The following COQ9 variants were observed in gnomAD, a reference collection of about 807,000 sequenced individuals.
COQ9 encodes the protein ubiquinone biosynthesis protein COQ9, mitochondrial.
COQ9 carries 35 observed loss-of-function variants against 42.4 expected under a neutral mutation model. The ratio of observed to expected loss-of-function variants is 0.83; its 90% confidence interval spans 0.63 to 1.10. The LOEUF (loss-of-function observed/expected upper bound fraction) is 1.10, where lower values mean the gene tolerates loss of function less well. Ranked by LOEUF, COQ9 falls within the 50% of genes least tolerant of loss-of-function variation. COQ9 has a pLI of 0.00. For missense variants in COQ9, 406 were observed against 414.6 expected (o/e 0.98, Z 0.18); for synonymous variants, 155 against 155.1 (o/e 1.00, Z 0.00).
chr16:57,458,202 A>C, intron 5 of COQ9, 44 bp from the exon 6 acceptor site: 12 of 1,414,344 alleles, frequency 8.5e-6, no homozygotes, highest in African/African-American at 1.4e-5. Flanking sequence ...ACTATGCACC[A>C]TTACCTGTGA....
In COQ9 at chr16:57,451,144, C is replaced by T; in HGVS notation, c.178C>T (p.Gln60Ter). 6.2e-7 allele frequency: 1 copy of T among 1,614,184 alleles called. No homozygotes were observed. The highest frequency in any genetic ancestry group is 8.5e-7 in the Non-Finnish European group (1 of 1,180,022). Residue 60 changes from glutamine to a stop codon, truncating the protein, a stop_gained, in exon 2 of 9, where the codon CAG becomes TAG. Transcript: ENST00000262507. LOFTEE classifies it high-confidence loss of function. ...QKQQPPNSFSQQHSETQGAEK... is the reference protein window; with the variant it reads ...QKQQPPNSFS ...GCAGCAGCCTCCCAACTCATTTTCT[C>T]AGCAGCATTCTGAGACACAGGGGGC...
rs151336111 is a variant in COQ9, at chr16:57,457,939, CTG to C, written c.607-306_607-305del. On this transcript the variant is annotated intron_variant, in intron 5 of 8. Coordinates refer to ENST00000262507, the MANE Select transcript of COQ9 (RefSeq NM_020312.4). ...TCTGCTTCTTCCTTTGTGTGACAGA[CTG>C]GGGTATCTTTGCCCATCCTTGCTTA... is the stretch of plus-strand genomic sequence containing the variant. Among the ~76,000 whole-genome samples, 36 of 150,414 alleles carry C rather than the reference CTG, an allele frequency of 2.4e-4. No individual in the cohort carries two copies. The East Asian group carries it at 6.0e-3, about 25-fold the overall frequency.
chr16:57,449,065 G>A (rs2146583921), intron 1 of COQ9, among the ~76,000 whole-genome samples: 1 of 152,298 alleles, frequency 6.6e-6, no homozygotes, highest in South Asian at 2.1e-4. Context: ...GCATGCAGAA[G>A]TCACTGGGTG....
At chr16:57,460,490 G>GAAA in intron 8 of COQ9, 99 bp from the exon 9 acceptor site, 2 of 987,278 alleles carry the variant, frequency 2.0e-6, no homozygotes, top group Non-Finnish European at 2.9e-6. Flanking sequence ...ATGCAAAAAA[G>GAAA]AAAAAAAAAA....
In COQ9 at chr16:57,451,206, C is replaced by G. The variant is rs2301773; in HGVS notation, c.240C>G (p.Pro80=). The stretch of plus-strand genomic sequence containing the variant: ...ATCCAGAGTCTTCTCATTCACCCCC[C>G]AGGTAGGCACCAATCCACCTATTTC... ...KPDPESSHSP[P]RYTDQGGEEE... Residue 80 remains proline, a splice_region_variant and synonymous_variant, in exon 2 of 9, where the codon CCC becomes CCG. Coordinates refer to ENST00000262507, the MANE Select transcript of COQ9 (RefSeq NM_020312.4). 3.9e-4 allele frequency: 626 copies of G among 1,614,226 alleles called. 7 individuals carry two copies. In the East Asian group the frequency reaches 0.014, roughly 36 times the overall value.
chr16:57,457,345 T>C (rs2030430482), intron 5 of COQ9: 4 of 395,680 alleles, frequency 1.0e-5, no homozygotes, highest in South Asian at 6.6e-5. Context: ...AGTCAGAAGA[T>C]TTTATTGGCT....
At chr16:57,453,032 G>C in intron 3 of COQ9, 96 bp downstream of exon 3, 2 of 1,514,836 alleles carry the variant, frequency 1.3e-6, no homozygotes, top group Non-Finnish European at 1.8e-6. Flanking sequence ...TTCCAGTCTA[G>C]CTCAGAGCCC....
intron 3 of COQ9, among the ~76,000 whole-genome samples, chr16:57,456,049 CAAA>C (rs201646540): frequency 4.1e-5 from 6 of 146,410 alleles, no homozygotes; most frequent in African/African-American, 1.5e-4. Flanking sequence ...GACACTGTCT[CAAA>C]AAAAAAGTAA....
At chr16:57,457,188 A>G in intron 5 of COQ9, 173 bp downstream of exon 5, 1 of 692,654 alleles carries the variant, frequency 1.4e-6, no homozygotes, top group East Asian at 2.8e-5. Flanking sequence ...TGGACATACC[A>G]AAGAGAGTGA....
intron 3 of COQ9, among the ~76,000 whole-genome samples, chr16:57,455,224 G>T (rs771040280): frequency 5.9e-5 from 9 of 151,892 alleles, no homozygotes; most frequent in Non-Finnish European, 1.2e-4. Flanking sequence ...CATTGGAAGA[G>T]GACCAGCTTT....
chr16:57,447,545 G>A lies in COQ9; in HGVS notation c.40G>A (p.Gly14Ser). 3 of 1,306,992 alleles carry A rather than the reference G, an allele frequency of 2.3e-6. No individual in the cohort carries two copies. Among genetic ancestry groups the A allele is most frequent in the Middle Eastern group, 2.4e-4 (1 of 4,148 alleles). The allele number at this position is 1,306,992 out of a possible 1,614,324, so 81.0% of individuals were successfully genotyped here. A position where few individuals can be genotyped will look rare whatever the true frequency, so the allele number is the denominator to read the frequency against. Residue 14 changes from glycine (G) to serine (S), a missense_variant, in exon 1 of 9, where the codon GGC becomes AGC. Transcript: ENST00000262507. ...AAVSGALGRA[G>S]WRLLQLRCLP... ...GGTATCTGGTGCGCTTGGCCGGGCG[G>A]GCTGGAGGCTCCTGCAGCTGCGATG...
chr16:57,459,487 CA>C (rs1232674298), intron 6 of COQ9, 77 bp from the exon 7 acceptor site: 1 of 1,492,776 alleles, frequency 6.7e-7, no homozygotes, highest in African/African-American at 1.4e-5. Context: ...AGAGGGAACC[CA>C]GGAGTTCCCA....
chr16:57,459,553 G>A lies in COQ9; in HGVS notation c.712-12G>A, dbSNP rs2030481403. On this transcript the variant is annotated splice_polypyrimidine_tract_variant and intron_variant, in intron 6 of 8. Transcript: ENST00000262507. ...GCACCAGCCCACAGCGGTAGTGTGG[G>A]TTTCTTTACAGTTTAACTGGTACAC... The A allele has an allele frequency of 6.2e-7, 1 of 1,613,916 alleles. No individual in the cohort carries two copies. The highest frequency in any genetic ancestry group is 8.5e-7 in the Non-Finnish European group (1 of 1,180,002).
chr16:57,452,961 A>C lies in COQ9; in HGVS notation c.378+25A>C, dbSNP rs746260915. ...GGTGTGTATAGGTGAGGGTGGGGCC[A>C]CCTAACCAAGATGAGCCAGGATGGA... On this transcript the variant is annotated intron_variant, in intron 3 of 8. Transcript: ENST00000262507. 4.3e-6 allele frequency: 7 copies of C among 1,612,744 alleles called. No homozygotes were observed. The Admixed American group carries it at 1.2e-4, about 27-fold the overall frequency.
chr16:57,451,209 GT>G lies in COQ9; in HGVS notation c.242+2del. The G allele has an allele frequency of 6.2e-7, 1 of 1,614,148 alleles. No individual in the cohort carries two copies. Among genetic ancestry groups the G allele is most frequent in the South Asian group, 1.1e-5 (1 of 91,082 alleles). On this transcript the variant is annotated splice_donor_variant, in intron 2 of 8. Coordinates refer to ENST00000262507, the MANE Select transcript of COQ9 (RefSeq NM_020312.4). LOFTEE classifies it high-confidence loss of function. ...CAGAGTCTTCTCATTCACCCCCCAG[GT>G]AGGCACCAATCCACCTATTTCTGGC...
rs2030149252 is a variant in COQ9 at position 57,447,521 on chromosome 16, G to A, written c.16G>A (p.Val6Ile). The A allele has an allele frequency of 2.3e-6, 3 of 1,312,176 alleles. No individual in the cohort carries two copies. The highest frequency in any genetic ancestry group is 4.9e-5 in the South Asian group (2 of 40,898). 81.3% of individuals were successfully genotyped at this position (1,312,176 alleles called of 1,614,324 possible). A position where few individuals can be genotyped will look rare whatever the true frequency, so the allele number is the denominator to read the frequency against. Residue 6 changes from valine (V) to isoleucine (I), a missense_variant, in exon 1 of 9, where the codon GTA (valine) becomes ATA (isoleucine). By Grantham distance (29) the Val-to-Ile change is conservative. Coordinates refer to ENST00000262507, the MANE Select transcript of COQ9 (RefSeq NM_020312.4). ...CGCTTCCAAAATGGCGGCGGCGGCG[G>A]TATCTGGTGCGCTTGGCCGGGCGGG... MAAAA[V>I]SGALGRAGWR... is the part of the protein sequence containing the mutation.
At position 57,452,810 on chromosome 16, in the gene COQ9, C is replaced by T; in HGVS notation, c.252C>T (p.Asp84=). 8 of 1,613,090 alleles carry T rather than the reference C, an allele frequency of 5.0e-6. No homozygotes were observed. The highest frequency in any genetic ancestry group is 6.8e-6 in the Non-Finnish European group (8 of 1,180,014). ...TGTCCTCTTGTCTCAGGTATACAGA[C>T]CAGGGCGGCGAGGAGGAGGAGGACT... ...ESSHSPPRYT[D]QGGEEEEDYE... Residue 84 remains aspartate, a synonymous_variant, in exon 3 of 9, where the codon GAC becomes GAT. Coordinates refer to ENST00000262507, the MANE Select transcript of COQ9 (RefSeq NM_020312.4).
In COQ9 at chr16:57,456,927, C is replaced by T. The variant is rs1203325525; in HGVS notation, c.522-4C>T. On this transcript the variant is annotated splice_region_variant and splice_polypyrimidine_tract_variant and intron_variant, in intron 4 of 8. Coordinates refer to ENST00000262507, the MANE Select transcript of COQ9 (RefSeq NM_020312.4). Reference sequence around the variant, plus strand: ...GACACACTGTTTTCTTTTCCCTCTTCCAGGAAGAGGAAGACAGACCAGTTC... The same window carrying T: ...GACACACTGTTTTCTTTTCCCTCTTTCAGGAAGAGGAAGACAGACCAGTTC... 5 of 1,612,426 alleles carry T rather than the reference C, an allele frequency of 3.1e-6. No homozygotes were observed. Among genetic ancestry groups the T allele is most frequent in the Non-Finnish European group, 4.2e-6 (5 of 1,178,456 alleles).
At chr16:57,454,589 TC>T (rs1354305017) in intron 3 of COQ9, among the ~76,000 whole-genome samples, 1 of 152,060 alleles carries the variant, frequency 6.6e-6, no homozygotes, top group East Asian at 1.9e-4. Flanking sequence ...GCCTGGTAGG[TC>T]AAGGCTGCAG....
Sources: allele counts gnomAD v4.1 joint callset (sites outside exome capture counted in the v4.1 genomes callset), GRCh38; gene constraint gnomAD v4.1.1; transcripts MANE v1.5; gene names NCBI Gene and HGNC (gene_info 2026-07-23, HGNC 2026-07-21).